The following PFKP variants were observed in gnomAD, a reference collection of about 807,000 sequenced individuals.
PFKP encodes ATP-dependent 6-phosphofructokinase, platelet type.
Under a neutral mutation model 94.3 loss-of-function variants are expected in PFKP, and 101 were observed. The observed-to-expected ratio is 1.07, with a 90% CI of 0.91 to 1.26. The LOEUF is 1.26. Ranked by LOEUF, PFKP falls within the 50% of genes most tolerant of loss-of-function variation. PFKP has a pLI of 0.00. For synonymous variants in PFKP, 573 were observed against 432.6 expected, an observed-to-expected ratio of 1.32 and a Z score of -4.03; for missense variants, 1,145 against 1,103.3, an observed-to-expected ratio of 1.04 and a Z score of -0.53.
chr10:3,079,145 G>A (rs1368828234), intron 1 of PFKP, among the ~76,000 whole-genome samples: 3 of 152,182 alleles, frequency 2.0e-5, no homozygotes, highest in Non-Finnish European at 4.4e-5. Context: ...GGGGTGGGGA[G>A]AATCCAGCAG....
chr10:3,075,968 G>A (rs1246164242), intron 1 of PFKP, among the ~76,000 whole-genome samples: 4 of 123,904 alleles, frequency 3.2e-5, no homozygotes, highest in Non-Finnish European at 4.7e-5. Context: ...CCGAGATCGC[G>A]CCACTGCAGT....
intron 2 of PFKP, among the ~76,000 whole-genome samples, chr10:3,095,802 G>C (rs1436183607): frequency 6.6e-6 from 1 of 152,152 alleles, no homozygotes; most frequent in Non-Finnish European, 1.5e-5. Flanking sequence ...GGTGAAAGAC[G>C]GCTTAGAACT....
In PFKP at chr10:3,134,988, T is replaced by TTGTTCATGTTTGTAG. The variant is rs531251244; in HGVS notation, c.2122+407_2122+421dup. Among the ~76,000 whole-genome samples, 863 of 152,202 alleles carry TTGTTCATGTTTGTAG rather than the reference T, an allele frequency of 5.7e-3. 6 individuals carry two copies. Among genetic ancestry groups the TTGTTCATGTTTGTAG allele is most frequent in the African/African-American group, 0.02 (833 of 41,564 alleles). ...GAGGAAGATCTGACTGCTGAATGAA[T>TTGTTCATGTTTGTAG]TGTTCATGTTTGTAGAACTGCATGT... On this transcript the variant is annotated intron_variant, in intron 20 of 21. Coordinates refer to ENST00000381125, the MANE Select transcript of PFKP (RefSeq NM_002627.5).
intron 3 of PFKP, among the ~76,000 whole-genome samples, chr10:3,099,881 GGTGT>G (rs1003125666): frequency 2.6e-5 from 4 of 151,678 alleles, no homozygotes; most frequent in Non-Finnish European, 4.4e-5. Flanking sequence ...TGTGAATCTC[GGTGT>G]GTGTGTAACT....
intron 1 of PFKP, among the ~76,000 whole-genome samples, chr10:3,077,249 C>CTTTTTTTTTTTTTTTTTTTTTTTTT (rs35306351): frequency 1.8e-5 from 2 of 108,180 alleles, no homozygotes; most frequent in South Asian, 3.1e-4. Context: ...CTATTCTTTA[C>CTTTTTTTTTTTTTTTTTTTTTTTTT]TTTTTTTTTT....
intron 1 of PFKP, among the ~76,000 whole-genome samples, chr10:3,081,289 G>A (rs760778216): frequency 7.9e-5 from 12 of 152,270 alleles, no homozygotes; most frequent in African/African-American, 1.7e-4. Context: ...CTTCTGAGCC[G>A]GTCACCGTCC....
At chr10:3,118,673 A>AT (rs1837078858) in intron 14 of PFKP, 109 bp from the exon 15 acceptor site, 7 of 697,994 alleles carry the variant, frequency 1.0e-5, no homozygotes, top group African/African-American at 1.8e-5. Context: ...CCGCTCCTTA[A>AT]TTAAAACCAC....
Position 3,123,039 on chromosome 10 carries a change from C to T in PFKP, c.1683+2995C>T, listed in dbSNP as rs188464113. Among the ~76,000 whole-genome samples the T allele has an allele frequency of 4.6e-5, 7 of 152,280 alleles. 1 individual carries two copies. The highest frequency in any genetic ancestry group is 1.7e-4 in the African/African-American group (7 of 41,518). ...TTCTCTGGACACGTGCGTCCTCGTC[C>T]TCTCTCATGATTTCCTTCTTGCCAG... On this transcript the variant is annotated intron_variant, in intron 16 of 21. Transcript: ENST00000381125.
intron 16 of PFKP, chr10:3,125,354 C>G (rs570221598): frequency 1.1e-6 from 1 of 878,628 alleles, no homozygotes; most frequent in East Asian, 1.0e-4. Context: ...CTTTTCTCCC[C>G]TTTGTTAGCT....
intron 1 of PFKP, among the ~76,000 whole-genome samples, chr10:3,081,076 T>A (rs1833030158): frequency 6.6e-6 from 1 of 152,186 alleles, no homozygotes; most frequent in South Asian, 2.1e-4. Flanking sequence ...ATAAAGTAAA[T>A]AAGACTATGT....
intron 14 of PFKP, among the ~76,000 whole-genome samples, chr10:3,117,800 A>C (rs7921605): frequency 0.25 from 37,568 of 152,030 alleles, 4,933 homozygotes; most frequent in Non-Finnish European, 0.31. Flanking sequence ...TCTCGAACGT[A>C]GAGAGGACTC....
chr10:3,097,158 CTTTA>C (rs1207153500), intron 2 of PFKP, among the ~76,000 whole-genome samples: 3 of 150,648 alleles, frequency 2.0e-5, no homozygotes, highest in African/African-American at 4.9e-5. Flanking sequence ...TAGGTTATCT[CTTTA>C]TTTATGTATC....
At chr10:3,069,152 C>G in intron 1 of PFKP, 9 of 958,184 alleles carry the variant, frequency 9.4e-6, no homozygotes, top group South Asian at 4.6e-5. Flanking sequence ...CAGCGCCCCC[C>G]GCGGGAGACC....
At chr10:3,108,647 G>A in intron 8 of PFKP, 54 bp from the exon 9 acceptor site, 9 of 1,339,934 alleles carry the variant, frequency 6.7e-6, no homozygotes, top group Non-Finnish European at 9.7e-6. Context: ...TTCCAGATCT[G>A]GGCTGCTGTG....
At chr10:3,089,182 C>T (rs902418827) in intron 2 of PFKP, among the ~76,000 whole-genome samples, 7 of 152,198 alleles carry the variant, frequency 4.6e-5, no homozygotes, top group African/African-American at 1.7e-4. Context: ...ATCCTGCCCT[C>T]CTGGGCCTCC....
chr10:3,103,666 G>GT, intron 4 of PFKP, 113 bp from the exon 5 acceptor site: 1 of 1,019,728 alleles, frequency 9.8e-7, no homozygotes, highest in East Asian at 2.5e-5. Context: ...ATAACAAAGA[G>GT]TTTAGAATGG....
intron 1 of PFKP, chr10:3,068,726 C>G: frequency 1.0e-6 from 1 of 983,402 alleles, no homozygotes; most frequent in Non-Finnish European, 1.2e-6. Flanking sequence ...TGTCCCGATC[C>G]GTGCAATCCC....
At chr10:3,093,936 T>C (rs985350342) in intron 2 of PFKP, among the ~76,000 whole-genome samples, 1 of 152,158 alleles carries the variant, frequency 6.6e-6, no homozygotes, top group South Asian at 2.1e-4. Flanking sequence ...AGCCACCGCA[T>C]CTGTCGTAGC....
intron 1 of PFKP, among the ~76,000 whole-genome samples, chr10:3,077,084 T>C (rs1832653467): frequency 6.6e-6 from 1 of 151,946 alleles, no homozygotes; most frequent in Non-Finnish European, 1.5e-5. Flanking sequence ...TCAAAAAGAA[T>C]TTATGCATTG....
Sources: allele counts gnomAD v4.1 joint callset (sites outside exome capture counted in the v4.1 genomes callset), GRCh38; gene constraint gnomAD v4.1.1; transcripts MANE v1.5; gene names NCBI Gene and HGNC (gene_info 2026-07-23, HGNC 2026-07-21).